Variants in PDE10A observed in about 807,000 individuals in gnomAD.
PDE10A encodes phosphodiesterase 10A.
A neutral mutation model predicts 97.7 loss-of-function variants in PDE10A; 39 were observed. The observed-to-expected ratio is 0.40, with a 90% CI of 0.31 to 0.52. PDE10A has a LOEUF of 0.52. Ranked by LOEUF, PDE10A falls within the 20% of genes least tolerant of loss-of-function variation. PDE10A has a pLI of 0.56. For synonymous variants in PDE10A, 371 were observed against 376.8 expected, an observed-to-expected ratio of 0.98 and a Z score of 0.18; for missense variants, 731 against 1,047.8, an observed-to-expected ratio of 0.70 and a Z score of 4.17.
At chr6:165,413,924 A>G (rs1423908375) in intron 12 of PDE10A, among the ~76,000 whole-genome samples, 5 of 152,174 alleles carry the variant, frequency 3.3e-5, no homozygotes, top group African/African-American at 1.2e-4. Context: ...TGAGTTTTCT[A>G]GGATAGTCTC....
intron 1 of PDE10A, among the ~76,000 whole-genome samples, chr6:165,635,056 A>G (rs952115441): frequency 3.3e-5 from 5 of 152,172 alleles, no homozygotes; most frequent in African/African-American, 1.2e-4. Flanking sequence ...TTAATCAATA[A>G]TTAAGAGGGG....
chr6:165,530,227 T>A (rs1206598911), intron 2 of PDE10A, among the ~76,000 whole-genome samples: 2 of 152,006 alleles, frequency 1.3e-5, no homozygotes, highest in African/African-American at 4.8e-5. Context: ...TGGGAACTTG[T>A]GATTGTGTAA....
chr6:165,797,059 A>G (rs1459105162), intron 1 of PDE10A, among the ~76,000 whole-genome samples: 2 of 152,260 alleles, frequency 1.3e-5, no homozygotes, highest in East Asian at 3.8e-4. Flanking sequence ...GTACCCAAAT[A>G]ACAGGTAAAA....
At chr6:165,575,173 A>T (rs1355237814) in intron 1 of PDE10A, among the ~76,000 whole-genome samples, 2 of 152,202 alleles carry the variant, frequency 1.3e-5, no homozygotes, top group East Asian at 1.9e-4. Flanking sequence ...GCACCACAGA[A>T]TTCTTTGCTT....
At chr6:165,560,826 C>T (rs2322942) in intron 1 of PDE10A, among the ~76,000 whole-genome samples, 2 of 151,758 alleles carry the variant, frequency 1.3e-5, no homozygotes, top group Non-Finnish European at 2.9e-5. Context: ...GTGGGGGCTG[C>T]TGAGAGGTGA....
chr6:165,545,215 A>C (rs772960591), intron 1 of PDE10A: 1 of 504,472 alleles, frequency 2.0e-6, no homozygotes, highest in South Asian at 1.4e-5. Flanking sequence ...CTTGAATTCT[A>C]CTTTCTCTTC....
chr6:165,767,101 A>G (rs904838849), intron 1 of PDE10A, among the ~76,000 whole-genome samples: 7 of 152,154 alleles, frequency 4.6e-5, no homozygotes, highest in African/African-American at 1.7e-4. Context: ...GGATTTTGCT[A>G]CTATCCTTTC....
rs112857738 is a variant in PDE10A at position 165,964,918 on chromosome 6, T to C, written c.-615+22611A>G. On this transcript the variant is annotated intron_variant, in intron 1 of 19. Coordinates refer to the PDE10A transcript ENST00000366882. ...TGCTTGTTAAAGGAGGAGGAGAAGC[T>C]CAGCAGGCAGACAGGAGAAGGAAGG... is the stretch of plus-strand genomic sequence containing the variant. Among the ~76,000 whole-genome samples, 656 of 152,092 alleles carry C rather than the reference T, an allele frequency of 4.3e-3. 8 individuals carry two copies. Among genetic ancestry groups the C allele is most frequent in the African/African-American group, 0.015 (631 of 41,480 alleles).
intron 1 of PDE10A, among the ~76,000 whole-genome samples, chr6:165,918,380 T>C (rs1291024101): frequency 6.6e-6 from 1 of 152,216 alleles, no homozygotes. Context: ...ATAGTTGCCT[T>C]ATTTTCAAAC....
At chr6:165,913,960 G>C (rs968233451) in intron 1 of PDE10A, among the ~76,000 whole-genome samples, 1 of 152,088 alleles carries the variant, frequency 6.6e-6, no homozygotes, top group Non-Finnish European at 1.5e-5. Flanking sequence ...AGGACATAAG[G>C]GTTTCTTGAA....
chr6:165,535,318 C>T (rs567144507), intron 2 of PDE10A, among the ~76,000 whole-genome samples: 2 of 151,738 alleles, frequency 1.3e-5, no homozygotes, highest in East Asian at 1.9e-4. Flanking sequence ...GTGTAGCCAT[C>T]GCCTAAATAC....
intron 1 of PDE10A, among the ~76,000 whole-genome samples, chr6:165,750,886 C>T (rs1188160018): frequency 3.3e-5 from 5 of 152,202 alleles, no homozygotes; most frequent in Admixed American, 3.3e-4. Flanking sequence ...GTGCTCAGGA[C>T]ACACAGCATG....
At chr6:165,452,409 G>T in intron 3 of PDE10A, among the ~76,000 whole-genome samples, 1 of 152,216 alleles carries the variant, frequency 6.6e-6, no homozygotes, top group Middle Eastern at 3.2e-3. Context: ...AACCCTGAAT[G>T]CAAGTGTTGA....
intron 11 of PDE10A, among the ~76,000 whole-genome samples, chr6:165,417,720 G>C (rs138431039): frequency 2.0e-5 from 3 of 152,260 alleles, no homozygotes; most frequent in African/African-American, 7.2e-5. Context: ...AATGGACATG[G>C]AATACACAGG....
intron 3 of PDE10A, among the ~76,000 whole-genome samples, chr6:165,463,570 C>T (rs768601460): frequency 6.6e-6 from 1 of 152,152 alleles, no homozygotes; most frequent in African/African-American, 2.4e-5. Context: ...TTTGTATAGT[C>T]TGCAGATGTG....
At chr6:165,617,517 G>A (rs552766709) in intron 1 of PDE10A, among the ~76,000 whole-genome samples, 11 of 152,100 alleles carry the variant, frequency 7.2e-5, no homozygotes, top group African/African-American at 2.2e-4. Context: ...ACATCTGATC[G>A]GCCATTAATA....
intron 1 of PDE10A, among the ~76,000 whole-genome samples, chr6:165,571,802 T>G (rs1785062524): frequency 6.6e-6 from 1 of 152,250 alleles, no homozygotes. Flanking sequence ...ATTCACTTGC[T>G]GACACTATAG....
rs370401828 is a variant in PDE10A at position 165,482,351 on chromosome 6, T to G, written c.995-8A>C. 6.9e-6 allele frequency: 11 copies of G among 1,599,860 alleles called. No homozygotes were observed. Among genetic ancestry groups the G allele is most frequent in the Non-Finnish European group, 9.4e-6 (11 of 1,167,386 alleles). ...CCTTAGGAGCTGATTCATCTGGGGA[T>G]AGAGAAGGAAGAGGGAAAAACACAA... On this transcript the variant is annotated splice_region_variant and splice_polypyrimidine_tract_variant and intron_variant, in intron 2 of 21. Coordinates refer to ENST00000539869, the MANE Select transcript of PDE10A (RefSeq NM_001385079.1).
chr6:165,588,254 G>A (rs950245216), intron 1 of PDE10A, among the ~76,000 whole-genome samples: 5 of 150,418 alleles, frequency 3.3e-5, no homozygotes, highest in African/African-American at 9.8e-5. Context: ...GCTGGAGAGT[G>A]AGGGAAATAA....
Sources: gnomAD v4.1 joint callset for allele counts (sites outside exome capture counted in the v4.1 genomes callset) on GRCh38, gnomAD v4.1.1 for gene constraint, MANE v1.5 for transcripts, NCBI Gene and HGNC (gene_info 2026-07-23, HGNC 2026-07-21) for gene names.